The following ARFGEF3 variants were observed in gnomAD, a reference collection of about 807,000 sequenced individuals.
ARFGEF3 encodes the protein ARFGEF family member 3.
In ARFGEF3, 96 loss-of-function variants were observed where a neutral mutation model predicts 221.7. The ratio of observed to expected loss-of-function variants is 0.43; its 90% confidence interval spans 0.37 to 0.51. ARFGEF3 has a LOEUF of 0.51. ARFGEF3 is among the 20% of genes least tolerant of loss of function. The pLI, the probability that ARFGEF3 is intolerant of heterozygous loss-of-function variation, is 0.00. For synonymous variants in ARFGEF3, 1,145 were observed against 1,126.8 expected, an observed-to-expected ratio of 1.02 and a Z score of -0.32; for missense variants, 2,410 against 2,789.9, an observed-to-expected ratio of 0.86 and a Z score of 3.07.
At chr6:138,329,169 G>C (rs1780176462) in intron 32 of ARFGEF3, among the ~76,000 whole-genome samples, 1 of 152,158 alleles carries the variant, frequency 6.6e-6, no homozygotes. Flanking sequence ...ATGGTTCCTA[G>C]ACTTGAAGAT....
At chr6:138,289,770 G>C (rs1779364992) in intron 17 of ARFGEF3, 48 bp from the exon 18 acceptor site, 1 of 1,570,382 alleles carries the variant, frequency 6.4e-7, no homozygotes, top group South Asian at 1.2e-5. Flanking sequence ...CATTCTTTCT[G>C]TCTCCCTTAC....
intron 5 of ARFGEF3, among the ~76,000 whole-genome samples, chr6:138,235,094 C>T (rs1046850249): frequency 2.6e-5 from 4 of 152,148 alleles, no homozygotes; most frequent in Non-Finnish European, 5.9e-5. Flanking sequence ...CTGGGTTTAA[C>T]CTAGTATTGT....
rs567889993 is a variant in ARFGEF3, at chr6:138,233,623, C to T, written c.420+3771C>T. The stretch of plus-strand genomic sequence containing the variant: ...CTAACTCCTGACCTCGTGATCCACC[C>T]GCCTCGGCCTCCCAAAGTGCTGGGA... On this transcript the variant is annotated intron_variant, in intron 5 of 33. Transcript: ENST00000251691. Among the ~76,000 whole-genome samples the T allele has an allele frequency of 3.3e-4, 50 of 152,204 alleles. No homozygotes were observed. The East Asian group carries it at 7.9e-3, about 24-fold the overall frequency.
Position 138,234,475 on chromosome 6 carries a change from CGT to C in ARFGEF3, c.421-4010_421-4009del, listed in dbSNP as rs10642229. Among the ~76,000 whole-genome samples the C allele has an allele frequency of 3.3e-3, 490 of 147,628 alleles. 3 individuals are homozygous for C. The highest frequency in any genetic ancestry group is 0.014 in the South Asian group (65 of 4,620). The stretch of plus-strand genomic sequence containing the variant: ...ATAATAAAACAACTTCAGTTCACCC[CGT>C]GTGTGTGTGTGTGTGTGTGTGTGGT... On this transcript the variant is annotated intron_variant, in intron 5 of 33. Coordinates refer to ENST00000251691, the MANE Select transcript of ARFGEF3 (RefSeq NM_020340.5).
At chr6:138,229,887 A>C in intron 5 of ARFGEF3, 35 bp downstream of exon 5, 1 of 1,559,494 alleles carries the variant, frequency 6.4e-7, no homozygotes, top group Non-Finnish European at 8.8e-7. Flanking sequence ...TCCTGTTCAC[A>C]GCTGCTTTAT....
intron 2 of ARFGEF3, among the ~76,000 whole-genome samples, chr6:138,187,062 T>C (rs1275267223): frequency 2.0e-5 from 3 of 151,978 alleles, no homozygotes; most frequent in Admixed American, 2.0e-4. Flanking sequence ...ATTACAGGCA[T>C]GCGCCACCAC....
chr6:138,264,327 A>G (rs1346729062), intron 12 of ARFGEF3, among the ~76,000 whole-genome samples: 2 of 152,234 alleles, frequency 1.3e-5, no homozygotes, highest in Non-Finnish European at 2.9e-5. Flanking sequence ...TATTTTTAAG[A>G]TAGTGTTCTT....
At chr6:138,237,783 G>T (rs1304228702) in intron 5 of ARFGEF3, among the ~76,000 whole-genome samples, 1 of 152,050 alleles carries the variant, frequency 6.6e-6, no homozygotes, top group African/African-American at 2.4e-5. Flanking sequence ...CAGTCACCTT[G>T]GTCTAGAAGC....
At chr6:138,305,641 C>T (rs2102477) in intron 22 of ARFGEF3, among the ~76,000 whole-genome samples, 30,131 of 145,460 alleles carry the variant, frequency 0.21, 3,380 homozygotes, top group East Asian at 0.46. Flanking sequence ...GCCAAATAAA[C>T]CCAGTAACAT....
intron 12 of ARFGEF3, among the ~76,000 whole-genome samples, chr6:138,275,383 G>C (rs932553683): frequency 6.6e-6 from 1 of 152,070 alleles, no homozygotes; most frequent in Non-Finnish European, 1.5e-5. Flanking sequence ...CTCAAATATG[G>C]CAGAGATCTT....
In ARFGEF3 at chr6:138,286,754, A is replaced by C. The variant is rs1490806115; in HGVS notation, c.2623A>C (p.Thr875Pro). Residue 875 changes from threonine (T) to proline (P), a missense_variant, in exon 16 of 34, where the codon ACT (threonine) becomes CCT (proline). Coordinates refer to ENST00000251691, the MANE Select transcript of ARFGEF3 (RefSeq NM_020340.5). ...GGGCTGCTGGAAGAACTTGATCGAT[A>C]CTTTATCAACCCCACTGACTGGTCG... ...LVGCWKNLID[T>P]LSTPLTGRMA... 1 of 1,613,912 alleles carries C rather than the reference A, an allele frequency of 6.2e-7. No homozygotes were observed. The highest frequency in any genetic ancestry group is 8.5e-7 in the Non-Finnish European group (1 of 1,179,898).
At position 138,218,281 on chromosome 6, in the gene ARFGEF3, G is replaced by T. The variant is rs144182876; in HGVS notation, c.351+8240G>T. ...GGTAAGAGCACAGTTTCTGGAGCTA[G>T]AATGCCTGGTAGCCTTGGGAAGTTA... On this transcript the variant is annotated intron_variant, in intron 4 of 33. Coordinates refer to ENST00000251691, the MANE Select transcript of ARFGEF3 (RefSeq NM_020340.5). 107 of 1,601,994 alleles carry T rather than the reference G, an allele frequency of 6.7e-5. 1 individual carries two copies. Among genetic ancestry groups the T allele is most frequent in the Non-Finnish European group, 4.8e-5 (56 of 1,173,630 alleles).
intron 12 of ARFGEF3, among the ~76,000 whole-genome samples, chr6:138,271,424 A>C (rs930086713): frequency 2.0e-5 from 3 of 152,192 alleles, no homozygotes; most frequent in Middle Eastern, 3.2e-3. Context: ...TGTATCTACA[A>C]TAATAATGAT....
At chr6:138,311,830 C>A (rs146657289) in intron 25 of ARFGEF3, among the ~76,000 whole-genome samples, 1 of 152,134 alleles carries the variant, frequency 6.6e-6, no homozygotes, top group East Asian at 1.9e-4. Flanking sequence ...GAGAAGTCTT[C>A]CTGAGGGCAC....
chr6:138,287,031 A>G, intron 16 of ARFGEF3, 43 bp from the exon 17 acceptor site: 1 of 1,559,066 alleles, frequency 6.4e-7, no homozygotes. Flanking sequence ...GAATGGTTAG[A>G]GGATATACTC....
At position 138,162,301 on chromosome 6, in the gene ARFGEF3, C is replaced by T; in HGVS notation, c.85+130C>T. ...GTTCTGGCGATTGCGAGAGTCGCCTCGGGAAATTGATGTGGGATTTGAGAG... is the reference window on the plus strand; with the variant it reads ...GTTCTGGCGATTGCGAGAGTCGCCTTGGGAAATTGATGTGGGATTTGAGAG... On this transcript the variant is annotated intron_variant, in intron 1 of 33. Coordinates refer to ENST00000251691, the MANE Select transcript of ARFGEF3 (RefSeq NM_020340.5). The surrounding 1 kb of genome is among the most constrained non-coding windows in gnomAD (Gnocchi z 4.7). 7.0e-6 allele frequency: 4 copies of T among 575,118 alleles called. No individual in the cohort carries two copies. Among genetic ancestry groups the T allele is most frequent in the Non-Finnish European group, 8.9e-6 (3 of 338,424 alleles). 35.6% of individuals were successfully genotyped at this position (575,118 alleles called of 1,614,324 possible). A position where few individuals can be genotyped will look rare whatever the true frequency, so the allele number is the denominator to read the frequency against.
chr6:138,167,554 A>G (rs888462571), intron 1 of ARFGEF3, among the ~76,000 whole-genome samples: 2 of 152,086 alleles, frequency 1.3e-5, no homozygotes, highest in African/African-American at 4.8e-5. Context: ...AGTTGCATTG[A>G]CCTGAAATCT....
intron 2 of ARFGEF3, among the ~76,000 whole-genome samples, chr6:138,194,047 C>T (rs113008069): frequency 2.3e-3 from 349 of 152,220 alleles, no homozygotes; most frequent in African/African-American, 7.8e-3. Context: ...GTGGGTGGAT[C>T]ACCTGAGGTC....
chr6:138,275,399 A>C (rs187219075), intron 12 of ARFGEF3, among the ~76,000 whole-genome samples: 70 of 152,172 alleles, frequency 4.6e-4, no homozygotes, highest in African/African-American at 1.7e-3. Context: ...ATCTTGAATT[A>C]TTTTCCACTT....
Sources: allele counts gnomAD v4.1 joint callset (sites outside exome capture counted in the v4.1 genomes callset), GRCh38; gene constraint gnomAD v4.1.1; non-coding constraint Gnocchi (gnomAD v3.1); transcripts MANE v1.5; gene names NCBI Gene and HGNC (gene_info 2026-07-23, HGNC 2026-07-21).